The following MYO15A variants were observed in gnomAD, a reference collection of about 807,000 sequenced individuals.
The protein encoded by MYO15A is myosin XVA, also known as unconventional myosin-XV.
MYO15A carries 308 observed loss-of-function variants against 394.6 expected under a neutral mutation model. That is an observed-to-expected ratio of 0.78 (90% CI 0.71 to 0.86). The LOEUF (loss-of-function observed/expected upper bound fraction) is 0.86. Ranked by LOEUF, MYO15A falls within the 40% of genes least tolerant of loss-of-function variation. The pLI, the probability that MYO15A is intolerant of heterozygous loss-of-function variation, is 0.00. For synonymous variants in MYO15A, 1,957 were observed against 2,003.8 expected, an observed-to-expected ratio of 0.98 and a Z score of 0.62; for missense variants, 4,606 against 4,799.1, an observed-to-expected ratio of 0.96 and a Z score of 1.19.
intron 10 of MYO15A, among the ~76,000 whole-genome samples, chr17:18,131,794 CA>C (rs1567635353): frequency 6.6e-6 from 1 of 152,064 alleles, no homozygotes; most frequent in African/African-American, 2.4e-5. Flanking sequence ...ACTTATCCTT[CA>C]GGCACCTGCT....
intron 3 of MYO15A, chr17:18,124,818 A>C: frequency 1.7e-6 from 1 of 588,454 alleles, no homozygotes; most frequent in South Asian, 2.0e-5. Flanking sequence ...TCAGTTTCTC[A>C]TCCACAAAAT....
At chr17:18,164,337 A>C in intron 60 of MYO15A, 2 of 204,620 alleles carry the variant, frequency 9.8e-6, no homozygotes, top group Non-Finnish European at 2.0e-5. Flanking sequence ...CTGACTGCCC[A>C]CTCTAGATCA....
chr17:18,141,574 T>C, intron 22 of MYO15A, 79 bp from the exon 23 acceptor site: 1 of 1,361,612 alleles, frequency 7.3e-7, no homozygotes, highest in South Asian at 1.2e-5. Flanking sequence ...GACACCTGGC[T>C]GGGGGCAGTA....
intron 1 of MYO15A, among the ~76,000 whole-genome samples, chr17:18,115,610 TCTGTCTCAAAAAAAA>T (rs1300976668): frequency 6.6e-6 from 1 of 151,482 alleles, no homozygotes; most frequent in East Asian, 1.9e-4. Flanking sequence ...ACAGCGAGAC[TCTGTCTCAAAAAAAA>T]AAGACTGAGG....
chr17:18,136,012 G>T (rs1476662867), intron 13 of MYO15A, among the ~76,000 whole-genome samples, 188 bp downstream of exon 13: 2 of 152,112 alleles, frequency 1.3e-5, no homozygotes, highest in Non-Finnish European at 2.9e-5. Context: ...TGTTGCATAG[G>T]CTGTTTCCTC....
In MYO15A at chr17:18,140,977, G is replaced by A. The variant is rs566068176; in HGVS notation, c.5407-42G>A. 52 of 1,613,262 alleles carry A rather than the reference G, an allele frequency of 3.2e-5. No individual in the cohort carries two copies. In the South Asian group the frequency reaches 5.5e-4, roughly 17 times the overall value. On this transcript the variant is annotated intron_variant, in intron 21 of 65. Transcript: ENST00000647165. ...ACCATGATAATGCCTTTTGCACATG[G>A]CTGAGCCAATGTGCAGACTCCCTCT...
chr17:18,111,341 GAAAAAAAAAAAAAA>G (rs57095827), intron 1 of MYO15A, among the ~76,000 whole-genome samples: 25 of 118,996 alleles, frequency 2.1e-4, no homozygotes, highest in South Asian at 6.9e-4. Context: ...TCTCAAAAGA[GAAAAAAAAAAAAAA>G]AAAAAAAAAA....
rs201056676 is a variant in MYO15A at position 18,124,513 on chromosome 17, C to T, written c.3640C>T (p.Arg1214Trp). ...CTCCATCCGCAACCTGCCATCCATGCGGTTCCGTGAGCAGCACGGGGAGGA... is the reference window on the plus strand; with the variant it reads ...CTCCATCCGCAACCTGCCATCCATGTGGTTCCGTGAGCAGCACGGGGAGGA... ...MHSIRNLPSM[R>W]FREQHGEDGV... Residue 1214 changes from arginine to tryptophan, a missense_variant, in exon 3 of 66, where the codon CGG (arginine) becomes TGG (tryptophan). This residue lies in a region of MYO15A where 2,776 missense variants were observed against 3,109.3 expected (regional missense o/e 0.89). Coordinates refer to ENST00000647165, the MANE Select transcript of MYO15A (RefSeq NM_016239.4). 13 of 1,612,740 alleles carry T rather than the reference C, an allele frequency of 8.1e-6. No homozygotes were observed. The African/African-American group carries it at 1.1e-4, about 13-fold the overall frequency.
chr17:18,174,168 G>A (rs908657322), intron 65 of MYO15A, among the ~76,000 whole-genome samples: 2 of 152,190 alleles, frequency 1.3e-5, no homozygotes, highest in Non-Finnish European at 2.9e-5. Flanking sequence ...AAGGACACTA[G>A]AGGTTTGAGA....
chr17:18,126,538 T>C (rs2046045888), intron 5 of MYO15A, 82 bp downstream of exon 5: 1 of 1,348,840 alleles, frequency 7.4e-7, no homozygotes, highest in East Asian at 2.4e-5. Context: ...CGGCTGCACC[T>C]GAGCCATGAG....
Position 18,172,178 on chromosome 17 carries a change from T to C in MYO15A, c.10238T>C (p.Met3413Thr), listed in dbSNP as rs750917448. The change falls in exon 64 of 66, where the codon ATG (methionine) becomes ACG (threonine). Residue 3413 changes from methionine to threonine, a missense_variant. Met to Thr is a moderately conservative substitution (Grantham distance 81). Coordinates refer to ENST00000647165, the MANE Select transcript of MYO15A (RefSeq NM_016239.4). ...QFLGLLSALP[M>T]FGSSFFFIQS... ...CCAGGCCTCCTCAGCGCCTTACCTA[T>C]GTTCGGCTCCTCCTTCTTCTTCATC... is the stretch of plus-strand genomic sequence containing the variant. 6.2e-7 allele frequency: 1 copy of C among 1,614,214 alleles called. No homozygotes were observed. The highest frequency in any genetic ancestry group is 8.5e-7 in the Non-Finnish European group (1 of 1,180,034).
At position 18,149,210 on chromosome 17, in the gene MYO15A, C is replaced by T. The variant is rs1352944594; in HGVS notation, c.6957-6C>T. On this transcript the variant is annotated splice_polypyrimidine_tract_variant and splice_region_variant and intron_variant, in intron 33 of 65. Transcript: ENST00000647165. ...GTCAGTAGCTCCATGTTCCTTTTCT[C>T]CACAGGGTGTTTGGGAACAGCTGGG... 9.3e-6 allele frequency: 15 copies of T among 1,613,950 alleles called. No homozygotes were observed. Among genetic ancestry groups the T allele is most frequent in the Admixed American group, 1.7e-5 (1 of 60,006 alleles).
Position 18,122,070 on chromosome 17 carries a change from C to T in MYO15A, c.3270C>T (p.Pro1090=), listed in dbSNP as rs776059784. 2 of 1,612,782 alleles carry T rather than the reference C, an allele frequency of 1.2e-6. No individual in the cohort carries two copies. The highest frequency in any genetic ancestry group is 1.3e-5 in the African/African-American group (1 of 74,960). Residue 1090 remains proline (P), a synonymous_variant, in exon 2 of 66, where the codon CCC becomes CCT. Transcript: ENST00000647165. ...GAACACTGCCCCAAGCCGCAGCCCC[C>T]TTGGCGCCCATCAGGGCCCCAGAGC... ...RWGTLPQAAA[P]LAPIRAPEPL...
chr17:18,116,056 C>G (rs1228946971), intron 1 of MYO15A, among the ~76,000 whole-genome samples: 2 of 152,204 alleles, frequency 1.3e-5, no homozygotes, highest in Non-Finnish European at 2.9e-5. Context: ...TTAGACGGTG[C>G]CTAGCATGCA....
intron 42 of MYO15A, among the ~76,000 whole-genome samples, chr17:18,152,682 G>A (rs1169731461): frequency 6.6e-6 from 1 of 152,000 alleles, no homozygotes; most frequent in East Asian, 1.9e-4. Context: ...TATGAGACGC[G>A]ACATGATGTG....
At position 18,174,621 on chromosome 17, in the gene MYO15A, G is replaced by A. The variant is rs182198650; in HGVS notation, c.10491+700G>A. Among the ~76,000 whole-genome samples, 113 of 152,266 alleles carry A rather than the reference G, an allele frequency of 7.4e-4. 1 individual carries two copies. Among genetic ancestry groups the A allele is most frequent in the African/African-American group, 2.6e-3 (107 of 41,558 alleles). ...TGAGACCCCATCTCTAAAATAAAATGTAAAAAAGCATGGATGACCTCTAGA... is the reference window on the plus strand; with the variant it reads ...TGAGACCCCATCTCTAAAATAAAATATAAAAAAGCATGGATGACCTCTAGA... On this transcript the variant is annotated intron_variant, in intron 65 of 65. Transcript: ENST00000647165.
At chr17:18,116,177 T>C (rs1269309835) in intron 1 of MYO15A, among the ~76,000 whole-genome samples, 1 of 152,142 alleles carries the variant, frequency 6.6e-6, no homozygotes, top group Non-Finnish European at 1.5e-5. Context: ...GGGGTAGCGG[T>C]GGGCAAGCAC....
In MYO15A at chr17:18,154,856, A is replaced by T. The variant is rs556842113; in HGVS notation, c.8224+101A>T. 8.3e-6 allele frequency: 11 copies of T among 1,330,384 alleles called. No homozygotes were observed. The South Asian group carries it at 1.3e-4, about 16-fold the overall frequency. 82.4% of individuals were successfully genotyped at this position (1,330,384 alleles called of 1,614,324 possible). On this transcript the variant is annotated intron_variant, in intron 45 of 65. Transcript: ENST00000647165. ...TGAGGCTGACAAGCCCAGGCCCACCATCTCCCAGACATGTGCCTCCTTGCT... is the reference window on the plus strand; with the variant it reads ...TGAGGCTGACAAGCCCAGGCCCACCTTCTCCCAGACATGTGCCTCCTTGCT...
chr17:18,124,735 C>G (rs576920461), intron 3 of MYO15A, 170 bp downstream of exon 3: 10 of 682,832 alleles, frequency 1.5e-5, no homozygotes, highest in Non-Finnish European at 2.2e-5. Flanking sequence ...GTTAGACGGA[C>G]TTTGGTTCAA....
Sources: allele counts gnomAD v4.1 joint callset (sites outside exome capture counted in the v4.1 genomes callset), GRCh38; gene constraint gnomAD v4.1.1; regional missense constraint gnomAD v4.1.1; transcripts MANE v1.5; gene names NCBI Gene and HGNC (gene_info 2026-07-23, HGNC 2026-07-21).